Variants in RIMS1 observed in about 807,000 individuals in gnomAD.
RIMS1 encodes the protein regulating synaptic membrane exocytosis 1, also known as regulating synaptic membrane exocytosis protein 1.
A neutral mutation model predicts 214.1 loss-of-function variants in RIMS1; 83 were observed. The observed-to-expected ratio is 0.39, with a 90% CI of 0.32 to 0.47. The LOEUF is 0.47. Among genes scored for constraint, RIMS1 ranks in the 20% least tolerant of loss-of-function variants. The pLI is 0.99. For synonymous variants in RIMS1, 793 were observed against 786.8 expected, an observed-to-expected ratio of 1.01 and a Z score of -0.13; for missense variants, 2,050 against 2,161.8, an observed-to-expected ratio of 0.95 and a Z score of 1.03.
intron 1 of RIMS1, among the ~76,000 whole-genome samples, chr6:71,914,811 T>A (rs924151307): frequency 2.6e-5 from 4 of 152,258 alleles, no homozygotes; most frequent in African/African-American, 9.6e-5. Context: ...TACAAGCTTC[T>A]CAAATCCAAA....
chr6:72,128,415 A>G (rs1376223314), intron 4 of RIMS1, among the ~76,000 whole-genome samples: 1 of 151,498 alleles, frequency 6.6e-6, no homozygotes, highest in Non-Finnish European at 1.5e-5. Flanking sequence ...TTAAAAAAAA[A>G]TTGTATTTGC....
intron 4 of RIMS1, among the ~76,000 whole-genome samples, chr6:72,144,373 A>G (rs2042441121): frequency 6.6e-6 from 1 of 152,182 alleles, no homozygotes; most frequent in South Asian, 2.1e-4. Context: ...GTTCTAAAGA[A>G]TGTGTCTCCT....
intron 6 of RIMS1, among the ~76,000 whole-genome samples, chr6:72,227,306 A>G (rs1392690600): frequency 6.6e-6 from 1 of 151,948 alleles, no homozygotes; most frequent in Non-Finnish European, 1.5e-5. Flanking sequence ...AAAAATGCAA[A>G]ATGTTTTTAG....
Position 72,163,484 on chromosome 6 carries a change from C to G in RIMS1, c.472-16091C>G, listed in dbSNP as rs146238412. 2.1e-4 allele frequency among the ~76,000 whole-genome samples: 30 copies of G among 141,088 alleles called. 5 individuals are homozygous for G. Among genetic ancestry groups the G allele is most frequent in the Middle Eastern group, 7.0e-3 (2 of 284 alleles). 92.6% of individuals were successfully genotyped at this position (141,088 alleles called of 152,430 possible). ...CTCTGATTTTTAATTTCCAGTTTTT[C>G]TGCTCTGGTTTTTCCCCACCTTTGT... On this transcript the variant is annotated intron_variant, in intron 4 of 33. Coordinates refer to ENST00000521978, the MANE Select transcript of RIMS1 (RefSeq NM_014989.7).
chr6:72,203,514 C>T (rs946055105), intron 6 of RIMS1, among the ~76,000 whole-genome samples: 3 of 152,068 alleles, frequency 2.0e-5, no homozygotes, highest in Admixed American at 6.6e-5. Context: ...GAGAAAAGAG[C>T]CCAGAGGTTA....
At chr6:71,994,107 G>T (rs186784411) in intron 2 of RIMS1, among the ~76,000 whole-genome samples, 1 of 152,306 alleles carries the variant, frequency 6.6e-6, no homozygotes, top group African/African-American at 2.4e-5. Flanking sequence ...TATCAAGACA[G>T]CTCGTGGGAG....
At chr6:72,268,578 C>T (rs1003795002) in intron 22 of RIMS1, among the ~76,000 whole-genome samples, 2 of 152,112 alleles carry the variant, frequency 1.3e-5, no homozygotes, top group African/African-American at 2.4e-5. Context: ...CAATATAATA[C>T]TTTTCTAATG....
intron 2 of RIMS1, among the ~76,000 whole-genome samples, chr6:72,090,363 A>T (rs1027462026): frequency 2.0e-5 from 3 of 152,076 alleles, no homozygotes; most frequent in African/African-American, 7.2e-5. Context: ...GCATTCCAAG[A>T]GATCAATCCA....
intron 6 of RIMS1, chr6:72,217,144 A>T (rs1159841473): frequency 6.5e-7 from 1 of 1,533,100 alleles, no homozygotes; most frequent in Non-Finnish European, 8.7e-7. Flanking sequence ...AAATTTAATG[A>T]TTTGATGCCA....
At chr6:72,351,633 G>A (rs975630852) in intron 29 of RIMS1, among the ~76,000 whole-genome samples, 58 of 152,160 alleles carry the variant, frequency 3.8e-4, no homozygotes, top group African/African-American at 1.3e-3. Flanking sequence ...AAGTGGCAAA[G>A]AAATAATTAG....
chr6:72,120,050 T>G (rs1057350442), intron 4 of RIMS1, among the ~76,000 whole-genome samples: 1 of 151,924 alleles, frequency 6.6e-6, no homozygotes, highest in East Asian at 1.9e-4. Flanking sequence ...ATCCAGTCTA[T>G]CATTGATGGA....
chr6:72,136,118 T>C (rs143208745), intron 4 of RIMS1, among the ~76,000 whole-genome samples: 1 of 152,142 alleles, frequency 6.6e-6, no homozygotes, highest in South Asian at 2.1e-4. Flanking sequence ...CAGACAGAAC[T>C]GAGGACAGAA....
At chr6:71,887,259 T>C (rs1768005250) in intron 1 of RIMS1, 72 bp downstream of exon 1, 1 of 1,534,592 alleles carries the variant, frequency 6.5e-7, no homozygotes, top group African/African-American at 1.4e-5. Flanking sequence ...ACTCCCCTAG[T>C]CCTCGCGGCT....
intron 2 of RIMS1, among the ~76,000 whole-genome samples, chr6:72,012,527 C>T (rs776688449): frequency 6.6e-6 from 1 of 151,818 alleles, no homozygotes; most frequent in Admixed American, 6.6e-5. Flanking sequence ...GGATTAATAA[C>T]TAGTCATTAA....
chr6:72,141,197 A>G (rs1056018253), intron 4 of RIMS1, among the ~76,000 whole-genome samples: 2 of 152,012 alleles, frequency 1.3e-5, no homozygotes, highest in African/African-American at 2.4e-5. Context: ...ACAGTTGTGG[A>G]GTTTAGATAA....
At chr6:72,258,915 C>T in intron 17 of RIMS1, 71 bp from the exon 18 acceptor site, 1 of 1,439,796 alleles carries the variant, frequency 6.9e-7, no homozygotes, top group Non-Finnish European at 9.8e-7. Flanking sequence ...TCAGTTCCTT[C>T]ACTTTAGTCT....
chr6:72,249,926 T>C (rs1289849354), intron 12 of RIMS1, among the ~76,000 whole-genome samples: 1 of 152,160 alleles, frequency 6.6e-6, no homozygotes, highest in Non-Finnish European at 1.5e-5. Context: ...TTTAACTACC[T>C]GTGACACCAG....
intron 2 of RIMS1, among the ~76,000 whole-genome samples, chr6:71,971,335 G>A (rs1426439854): frequency 6.6e-6 from 1 of 152,134 alleles, no homozygotes; most frequent in Non-Finnish European, 1.5e-5. Context: ...ATAGGTCAGG[G>A]AAAGATAATA....
At chr6:72,134,614 A>G (rs993633626) in intron 4 of RIMS1, among the ~76,000 whole-genome samples, 2 of 152,114 alleles carry the variant, frequency 1.3e-5, no homozygotes, top group African/African-American at 2.4e-5. Flanking sequence ...AGAGGCAATA[A>G]TATTCTCTAC....
Sources: allele counts gnomAD v4.1 joint callset (sites outside exome capture counted in the v4.1 genomes callset), GRCh38; gene constraint gnomAD v4.1.1; transcripts MANE v1.5; gene names NCBI Gene and HGNC (gene_info 2026-07-23, HGNC 2026-07-21).